Variants in GFRA2 observed in about 807,000 individuals in gnomAD.
The protein encoded by GFRA2 is GDNF family receptor alpha-2.
A neutral mutation model predicts 48.3 loss-of-function variants in GFRA2; 17 were observed. The ratio of observed to expected loss-of-function variants is 0.35; its 90% CI spans 0.24 to 0.53. GFRA2 has a LOEUF of 0.53. Ranked by LOEUF, GFRA2 falls within the 20% of genes least tolerant of loss-of-function variation. The pLI is 0.93. For missense variants in GFRA2, 660 were observed against 637.3 expected, an observed-to-expected ratio of 1.04 and a Z score of -0.38; for synonymous variants, 305 against 257.2, an observed-to-expected ratio of 1.19 and a Z score of -1.78.
intron 2 of GFRA2, chr8:21,779,597 G>A (rs778258280): frequency 2.6e-5 from 4 of 152,172 alleles, no homozygotes; most frequent in Admixed American, 6.5e-5. Flanking sequence ...TACAGAGTCC[G>A]GCTCTGGGTG....
At chr8:21,764,037 C>T (rs1806039224) in intron 3 of GFRA2, among the ~76,000 whole-genome samples, 1 of 150,786 alleles carries the variant, frequency 6.6e-6, no homozygotes, top group African/African-American at 2.4e-5. Context: ...CTTTGAGGTC[C>T]CAATCTCAAG....
intron 6 of GFRA2, among the ~76,000 whole-genome samples, chr8:21,703,651 T>G (rs1272606181): frequency 6.6e-6 from 1 of 152,192 alleles, no homozygotes; most frequent in African/African-American, 2.4e-5. Context: ...GTATCATCTC[T>G]TATCTACCCT....
At chr8:21,725,337 G>C (rs903465984) in intron 4 of GFRA2, among the ~76,000 whole-genome samples, 2 of 152,188 alleles carry the variant, frequency 1.3e-5, no homozygotes, top group Admixed American at 1.3e-4. Flanking sequence ...ATGCTGAAGG[G>C]CCTCGGTGGC....
chr8:21,714,620 G>A (rs1350725850), intron 4 of GFRA2, among the ~76,000 whole-genome samples: 1 of 152,118 alleles, frequency 6.6e-6, no homozygotes. Context: ...GAAAGAGGAG[G>A]GGGAAGAAAG....
intron 4 of GFRA2, among the ~76,000 whole-genome samples, chr8:21,744,194 G>A (rs1042795863): frequency 2.0e-5 from 3 of 152,190 alleles, no homozygotes. Context: ...TGCTGGGCAA[G>A]AAAGAGAGTG....
rs1801920716 is a variant in GFRA2 at position 21,692,443 on chromosome 8, C to T, written c.*835G>A. 6.6e-6 allele frequency: 1 copy of T among 152,080 alleles called. No homozygotes were observed. Among genetic ancestry groups the T allele is most frequent in the Admixed American group, 6.6e-5 (1 of 15,256 alleles). The allele number at this position is 152,080 out of a possible 1,614,324, so 9.4% of individuals were successfully genotyped here. ...ACACCCGGCTGTGGTCTCTCCCCTC[C>T]CTCTCCCCAAAGGGAGGCCTGCCAA... On this transcript the variant is annotated 3_prime_UTR_variant, in exon 9 of 9. Coordinates refer to ENST00000524240, the MANE Select transcript of GFRA2 (RefSeq NM_001495.5).
intron 4 of GFRA2, among the ~76,000 whole-genome samples, chr8:21,735,215 T>G (rs1338115834): frequency 1.3e-5 from 2 of 152,134 alleles, no homozygotes; most frequent in East Asian, 3.9e-4. Context: ...TGTCTCAAAT[T>G]TTCAGGGTTC....
intron 4 of GFRA2, among the ~76,000 whole-genome samples, chr8:21,722,128 T>C (rs1563227961): frequency 3.9e-5 from 6 of 152,170 alleles, no homozygotes; most frequent in Admixed American, 3.3e-4. Context: ...AAAGGAAATG[T>C]TTAGCTGATC....
intron 3 of GFRA2, among the ~76,000 whole-genome samples, chr8:21,760,924 C>G (rs1053905753): frequency 6.6e-6 from 1 of 152,140 alleles, no homozygotes; most frequent in African/African-American, 2.4e-5. Context: ...TGACACCCCC[C>G]CAAATACTTA....
chr8:21,708,514 A>C (rs1802860540), intron 4 of GFRA2, among the ~76,000 whole-genome samples: 1 of 152,202 alleles, frequency 6.6e-6, no homozygotes, highest in African/African-American at 2.4e-5. Context: ...TACGTCCCCC[A>C]CAAAAAAAGT....
rs759496068 is a variant in GFRA2, at chr8:21,788,486, C to A, written c.-327G>T. Reference sequence around the variant, plus strand: ...CCTCCCCTCCAATCGTCCGGGAAGGCGTGAGTCCCCGCGGGTCCAATTCCC... The same window carrying A: ...CCTCCCCTCCAATCGTCCGGGAAGGAGTGAGTCCCCGCGGGTCCAATTCCC... On this transcript the variant is annotated 5_prime_UTR_variant, in exon 1 of 9. Transcript: ENST00000524240. 45 of 1,083,356 alleles carry A rather than the reference C, an allele frequency of 4.2e-5. No homozygotes were observed. Among genetic ancestry groups the A allele is most frequent in the Non-Finnish European group, 4.9e-5 (44 of 894,614 alleles). 67.1% of individuals were successfully genotyped at this position (1,083,356 alleles called of 1,614,324 possible). A position where few individuals can be genotyped will look rare whatever the true frequency, so the allele number is the denominator to read the frequency against.
rs942868593 is a variant in GFRA2 at position 21,692,222 on chromosome 8, T to A, written c.*1056A>T. On this transcript the variant is annotated 3_prime_UTR_variant, in exon 9 of 9. Transcript: ENST00000524240. ...TTGGGGTATTATTTCCATAGTTTTG[T>A]TGCTTAAAAAAAGGAAAGAAAGGGG... is the stretch of plus-strand genomic sequence containing the variant. The A allele has an allele frequency of 6.6e-6, 1 of 152,344 alleles. No homozygotes were observed. Among genetic ancestry groups the A allele is most frequent in the South Asian group, 2.1e-4 (1 of 4,814 alleles). The allele number at this position is 152,344 out of a possible 1,614,324, so 9.4% of individuals were successfully genotyped here.
chr8:21,729,121 T>C (rs886509941), intron 4 of GFRA2, among the ~76,000 whole-genome samples: 2 of 152,122 alleles, frequency 1.3e-5, no homozygotes, highest in Non-Finnish European at 2.9e-5. Context: ...GGCCTTTACT[T>C]AGCAGTCATA....
chr8:21,732,750 T>C (rs943848373), intron 4 of GFRA2, among the ~76,000 whole-genome samples: 30 of 152,176 alleles, frequency 2.0e-4, no homozygotes, highest in Non-Finnish European at 8.8e-5. Context: ...AATTAGGAAA[T>C]GTAAACACCC....
upstream of GFRA2, among the ~76,000 whole-genome samples, chr8:21,789,713 C>G (rs1807494359): frequency 1.3e-5 from 2 of 152,182 alleles, no homozygotes; most frequent in Admixed American, 1.3e-4. Flanking sequence ...CCCTCACGCC[C>G]GCGGCGCGCT....
intron 4 of GFRA2, among the ~76,000 whole-genome samples, chr8:21,716,578 GC>G (rs920549772): frequency 2.6e-5 from 4 of 152,178 alleles, no homozygotes; most frequent in Admixed American, 6.5e-5. Context: ...CTGACACTCA[GC>G]AGAAAAGACA....
At chr8:21,771,878 T>A (rs1223555165) in intron 3 of GFRA2, among the ~76,000 whole-genome samples, 1 of 151,750 alleles carries the variant, frequency 6.6e-6, no homozygotes, top group Non-Finnish European at 1.5e-5. Flanking sequence ...ATGAGTTGGG[T>A]GGGGAGGGGC....
intron 3 of GFRA2, among the ~76,000 whole-genome samples, chr8:21,769,742 C>T (rs79031294): frequency 0.077 from 11,723 of 152,188 alleles, 599 homozygotes; most frequent in East Asian, 0.2. Context: ...GCCCTCAATA[C>T]GTGGCAGTGA....
chr8:21,781,980 TG>T (rs11290862), intron 2 of GFRA2, among the ~76,000 whole-genome samples: 18,313 of 151,984 alleles, frequency 0.12, 1,853 homozygotes, highest in African/African-American at 0.26. Flanking sequence ...AGGTCAGCCA[TG>T]GGGTCCAGAA....
Sources: allele counts gnomAD v4.1 joint callset (sites outside exome capture counted in the v4.1 genomes callset), GRCh38; gene constraint gnomAD v4.1.1; transcripts MANE v1.5; gene names NCBI Gene and HGNC (gene_info 2026-07-23, HGNC 2026-07-21).